Variants in ERP44 observed in about 807,000 individuals in gnomAD.
The protein encoded by ERP44 is endoplasmic reticulum resident protein 44.
In ERP44, 25 loss-of-function variants were observed where a neutral mutation model predicts 53.4. The observed-to-expected ratio is 0.47, with a 90% confidence interval of 0.34 to 0.65. The LOEUF (loss-of-function observed/expected upper bound fraction) is 0.65. ERP44 is among the 30% of genes least tolerant of loss of function. The pLI is 0.01. For synonymous variants in ERP44, 145 were observed against 161.2 expected (o/e 0.90, Z 0.76); for missense variants, 338 against 493.2 (o/e 0.69, Z 2.98).
chr9:100,079,869 A>G (rs1322936164), intron 1 of ERP44, among the ~76,000 whole-genome samples: 1 of 151,452 alleles, frequency 6.6e-6, no homozygotes, highest in Non-Finnish European at 1.5e-5. Flanking sequence ...CAGGAGTTCT[A>G]GGTTACATTG....
At chr9:100,054,281 G>A (rs1243397250) in intron 3 of ERP44, among the ~76,000 whole-genome samples, 1 of 152,212 alleles carries the variant, frequency 6.6e-6, no homozygotes, top group Non-Finnish European at 1.5e-5. Flanking sequence ...TAGGACCGCA[G>A]GTTTGTGGGT....
At chr9:100,091,694 A>G (rs1257806808) in intron 1 of ERP44, among the ~76,000 whole-genome samples, 1 of 152,218 alleles carries the variant, frequency 6.6e-6, no homozygotes, top group East Asian at 1.9e-4. Flanking sequence ...TCTTTTTCCA[A>G]GACTACTCTG....
At chr9:99,986,712 T>C (rs1406287844) in intron 10 of ERP44, among the ~76,000 whole-genome samples, 1 of 152,166 alleles carries the variant, frequency 6.6e-6, no homozygotes, top group Non-Finnish European at 1.5e-5. Flanking sequence ...CTAGCTCCAA[T>C]GCAACAGAGA....
chr9:100,002,656 G>T (rs1275497227), intron 10 of ERP44, among the ~76,000 whole-genome samples: 1 of 152,078 alleles, frequency 6.6e-6, no homozygotes, highest in Non-Finnish European at 1.5e-5. Context: ...CCCTTTATAT[G>T]TTATTTGCTC....
chr9:99,998,869 G>A, intron 10 of ERP44: 1 of 1,526,398 alleles, frequency 6.6e-7, no homozygotes, highest in Non-Finnish European at 9.1e-7. Flanking sequence ...TTCTAGCAAT[G>A]AGCTCTCTTG....
chr9:99,982,682 T>C lies in ERP44; in HGVS notation c.1151A>G (p.Glu384Gly). The part of the protein sequence containing the change: ...QAQDVASSPP[E>G]SSFQKLAPSE... ...GGGTGCTAGTTTCTGGAAGGAGCTCTCAGGTGGACTGCTTGCTACATCTTG... is the reference window on the plus strand; with the variant it reads ...GGGTGCTAGTTTCTGGAAGGAGCTCCCAGGTGGACTGCTTGCTACATCTTG... Residue 384 changes from glutamate (E) to glycine (G), a missense_variant, in exon 12 of 12, where the codon GAG becomes GGG. By Grantham distance (98) the Glu-to-Gly change is moderately conservative. Coordinates refer to ENST00000262455, the MANE Select transcript of ERP44 (RefSeq NM_015051.3). 1 of 1,610,110 alleles carries C rather than the reference T, an allele frequency of 6.2e-7. No homozygotes were observed. Among genetic ancestry groups the C allele is most frequent in the Non-Finnish European group, 8.5e-7 (1 of 1,178,748 alleles).
chr9:100,020,539 G>C (rs1195935024), intron 6 of ERP44, 77 bp downstream of exon 6: 1 of 742,220 alleles, frequency 1.3e-6, no homozygotes, highest in Non-Finnish European at 2.4e-6. Flanking sequence ...ATCATCTTCA[G>C]GAAATGACCA....
At chr9:100,053,228 T>C (rs914317335) in intron 3 of ERP44, among the ~76,000 whole-genome samples, 4 of 152,198 alleles carry the variant, frequency 2.6e-5, no homozygotes, top group Non-Finnish European at 5.9e-5. Context: ...AATGGGCTTT[T>C]ATATCTGTAA....
intron 8 of ERP44, among the ~76,000 whole-genome samples, chr9:100,009,678 T>G (rs1486680581): frequency 6.6e-6 from 1 of 152,220 alleles, no homozygotes; most frequent in Non-Finnish European, 1.5e-5. Context: ...ACTGATCGCT[T>G]ATCTGTGTCT....
chr9:99,996,533 C>CTT (rs34484802), intron 10 of ERP44, among the ~76,000 whole-genome samples: 3 of 151,702 alleles, frequency 2.0e-5, no homozygotes, highest in South Asian at 4.2e-4. Context: ...CACCATTATT[C>CTT]TTTTTTTTCC....
intron 4 of ERP44, among the ~76,000 whole-genome samples, chr9:100,035,632 G>A (rs113569088): frequency 0.011 from 1,726 of 152,156 alleles, 13 homozygotes; most frequent in South Asian, 0.04. Context: ...CCAGGATTGT[G>A]CCATTGCACT....
At position 100,052,527 on chromosome 9, in the gene ERP44, C is replaced by G. The variant is rs772548381; in HGVS notation, c.176G>C (p.Arg59Pro). The change falls in exon 4 of 12, where the codon CGT (arginine) becomes CCT (proline). Residue 59 changes from arginine (R) to proline (P), a missense_variant. This residue lies in a region of ERP44 where 224 missense variants were observed against 301.4 expected (regional missense o/e 0.74). Coordinates refer to ENST00000262455, the MANE Select transcript of ERP44 (RefSeq NM_015051.3). The part of the protein sequence containing the change: ...ALVNFYADWC[R>P]FSQMLHPIFE... ...AATTGGATGCAACATCTGACTGAAA[C>G]GACACCTATACACAGAGAAGGATGC... The G allele has an allele frequency of 6.3e-7, 1 of 1,593,572 alleles. No individual in the cohort carries two copies. Among genetic ancestry groups the G allele is most frequent in the South Asian group, 1.1e-5 (1 of 90,074 alleles).
chr9:100,097,375 A>G (rs1324421477), intron 1 of ERP44, among the ~76,000 whole-genome samples: 1 of 152,106 alleles, frequency 6.6e-6, no homozygotes, highest in African/African-American at 2.4e-5. Flanking sequence ...ATTTCCTAAA[A>G]GTGCACACAA....
intron 1 of ERP44, among the ~76,000 whole-genome samples, chr9:100,092,346 AAAT>A (rs1234625366): frequency 2.0e-5 from 3 of 152,256 alleles, no homozygotes; most frequent in African/African-American, 7.2e-5. Context: ...CTACCCAATC[AAAT>A]AATAAGTCTA....
At chr9:100,073,234 CAA>C (rs1354849321) in intron 1 of ERP44, among the ~76,000 whole-genome samples, 1 of 151,874 alleles carries the variant, frequency 6.6e-6, no homozygotes, top group African/African-American at 2.4e-5. Context: ...ATTCTATAGC[CAA>C]AGAGAATTTT....
At chr9:100,081,645 T>C (rs2118748975) in intron 1 of ERP44, among the ~76,000 whole-genome samples, 1 of 152,300 alleles carries the variant, frequency 6.6e-6, no homozygotes, top group South Asian at 2.1e-4. Flanking sequence ...GCATTCCTGA[T>C]TTAAAATGCT....
intron 10 of ERP44, among the ~76,000 whole-genome samples, chr9:100,000,450 A>C (rs946097776): frequency 4.0e-5 from 6 of 151,776 alleles, no homozygotes; most frequent in Admixed American, 2.6e-4. Flanking sequence ...AAAAAAAAAA[A>C]AAAACTTTCT....
chr9:100,043,291 A>AG lies in ERP44; in HGVS notation c.286+9125dup, dbSNP rs1554708804. Among the ~76,000 whole-genome samples, 180 of 74,900 alleles carry AG rather than the reference A, an allele frequency of 2.4e-3. 50 individuals carry two copies. The highest frequency in any genetic ancestry group is 0.01 in the African/African-American group (173 of 17,138). 49.1% of individuals were successfully genotyped at this position (74,900 alleles called of 152,430 possible). On this transcript the variant is annotated intron_variant, in intron 4 of 11. Transcript: ENST00000262455. ...AAAAAAAAAAAAAAAAAAAAAAAAA[A>AG]GATAAATAAGACATAGTATTTGCTA...
At chr9:99,996,496 T>C (rs1830311054) in intron 10 of ERP44, among the ~76,000 whole-genome samples, 1 of 151,648 alleles carries the variant, frequency 6.6e-6, no homozygotes, top group Admixed American at 6.6e-5. Context: ...GCCTCAGGTA[T>C]TCCTTTATAG....
Sources: gnomAD v4.1 joint callset for allele counts (sites outside exome capture counted in the v4.1 genomes callset) on GRCh38, gnomAD v4.1.1 for gene constraint, gnomAD v4.1.1 regional missense constraint, MANE v1.5 for transcripts, NCBI Gene and HGNC (gene_info 2026-07-23, HGNC 2026-07-21) for gene names.